The following RNF13 variants were observed in gnomAD, a reference collection of about 807,000 sequenced individuals.
RNF13 encodes the protein ring finger protein 13.
In RNF13, 19 loss-of-function variants were observed where a neutral mutation model predicts 37.7. That is an observed-to-expected ratio of 0.50 (90% CI 0.35 to 0.74). The LOEUF (loss-of-function observed/expected upper bound fraction) is 0.74, where lower values mean the gene tolerates loss of function less well. Ranked by LOEUF, RNF13 falls within the 30% of genes least tolerant of loss-of-function variation. The probability of loss-of-function intolerance (pLI) is 0.01; values close to 1 mark genes in which losing one functional copy is unlikely to be tolerated. For missense variants in RNF13, 375 were observed against 453.0 expected, an observed-to-expected ratio of 0.83 and a Z score of 1.56; for synonymous variants, 144 against 157.8, an observed-to-expected ratio of 0.91 and a Z score of 0.65.
intron 3 of RNF13, among the ~76,000 whole-genome samples, chr3:149,870,435 G>C (rs1009407335): frequency 4.0e-5 from 6 of 151,754 alleles, no homozygotes; most frequent in Admixed American, 6.6e-5. Context: ...TCTCATTGCT[G>C]TACATTTGTT....
intron 1 of RNF13, among the ~76,000 whole-genome samples, chr3:149,840,521 C>T (rs1007097030): frequency 6.6e-6 from 1 of 152,118 alleles, no homozygotes; most frequent in Non-Finnish European, 1.5e-5. Context: ...TTCTCTGTTT[C>T]CCAGAATGGT....
In RNF13 at chr3:149,961,623, T is replaced by C. The variant is rs760769241; in HGVS notation, c.*519T>C. The C allele has an allele frequency of 2.9e-5, 8 of 277,538 alleles. No individual in the cohort carries two copies. Among genetic ancestry groups the C allele is most frequent in the Non-Finnish European group, 5.6e-5 (8 of 141,744 alleles). The allele number at this position is 277,538 out of a possible 1,614,324, so 17.2% of individuals were successfully genotyped here. A position where few individuals can be genotyped will look rare whatever the true frequency, so the allele number is the denominator to read the frequency against. ...AAGAAACTCAAAGCTGTTTTTTCCCTTTCTGTTCCAAAGCAGTCTTATCCT... is the reference window on the plus strand; with the variant it reads ...AAGAAACTCAAAGCTGTTTTTTCCCCTTCTGTTCCAAAGCAGTCTTATCCT... On this transcript the variant is annotated 3_prime_UTR_variant, in exon 10 of 10. Coordinates refer to ENST00000392894, the MANE Select transcript of RNF13 (RefSeq NM_183381.3).
intron 8 of RNF13, among the ~76,000 whole-genome samples, chr3:149,928,607 C>G (rs1265032745): frequency 2.0e-5 from 3 of 152,142 alleles, no homozygotes; most frequent in African/African-American, 7.2e-5. Context: ...AATTGTGAGT[C>G]TTCCACATTT....
At chr3:149,833,307 G>A (rs1436529205) in intron 1 of RNF13, among the ~76,000 whole-genome samples, 1 of 151,772 alleles carries the variant, frequency 6.6e-6, no homozygotes, top group African/African-American at 2.4e-5. Flanking sequence ...TTTAGTAGAG[G>A]CAGGGTTTCA....
At chr3:149,816,064 AT>A (rs36004917) in intron 1 of RNF13, among the ~76,000 whole-genome samples, 246 of 142,210 alleles carry the variant, frequency 1.7e-3, no homozygotes, top group African/African-American at 2.6e-3. Context: ...GGCTAATTAA[AT>A]TTTTTTTTTT....
At chr3:149,820,294 C>T (rs560436085) in intron 1 of RNF13, among the ~76,000 whole-genome samples, 1 of 151,960 alleles carries the variant, frequency 6.6e-6, no homozygotes, top group East Asian at 1.9e-4. Flanking sequence ...CCAAGCAATC[C>T]TCCCTCCTCA....
intron 4 of RNF13, among the ~76,000 whole-genome samples, chr3:149,892,418 T>G (rs1030202768): frequency 2.0e-5 from 3 of 152,178 alleles, no homozygotes; most frequent in African/African-American, 7.2e-5. Context: ...TCTTGAAAGA[T>G]TATTACTTTG....
chr3:149,956,810 T>C (rs892699271), intron 8 of RNF13, among the ~76,000 whole-genome samples: 1 of 152,012 alleles, frequency 6.6e-6, no homozygotes, highest in Non-Finnish European at 1.5e-5. Context: ...TCTATGAGGG[T>C]TTCTCACCCT....
Position 149,818,053 on chromosome 3 carries a change from CA to C in RNF13, c.-17+4702del, listed in dbSNP as rs146320881. Among the ~76,000 whole-genome samples the C allele has an allele frequency of 2.3e-3, 348 of 152,294 alleles. 1 individual carries two copies. The highest frequency in any genetic ancestry group is 7.8e-3 in the African/African-American group (325 of 41,554). On this transcript the variant is annotated intron_variant, in intron 1 of 9. Transcript: ENST00000392894. ...ATCTCAACTATTTTCAGTTTCCTGTCAAGTTCTCAGTAAACCAACAGAAAAA... is the reference window on the plus strand; with the variant it reads ...ATCTCAACTATTTTCAGTTTCCTGTCAGTTCTCAGTAAACCAACAGAAAAA...
chr3:149,900,365 T>C (rs915403890), intron 5 of RNF13, among the ~76,000 whole-genome samples: 2 of 151,394 alleles, frequency 1.3e-5, no homozygotes, highest in African/African-American at 4.8e-5. Flanking sequence ...CTTAGCAAAA[T>C]AGAAAATATC....
chr3:149,862,026 T>C (rs1724309478), intron 3 of RNF13, among the ~76,000 whole-genome samples: 1 of 152,158 alleles, frequency 6.6e-6, no homozygotes, highest in Non-Finnish European at 1.5e-5. Context: ...GTAGACACAT[T>C]CATGCCTTCA....
chr3:149,817,003 A>G (rs1428552368), intron 1 of RNF13, among the ~76,000 whole-genome samples: 3 of 152,242 alleles, frequency 2.0e-5, no homozygotes, highest in African/African-American at 7.2e-5. Flanking sequence ...GGATATTATC[A>G]TGAAGAACAG....
intron 4 of RNF13, among the ~76,000 whole-genome samples, chr3:149,887,604 A>G (rs1280213541): frequency 2.0e-5 from 3 of 152,188 alleles, no homozygotes; most frequent in Admixed American, 2.0e-4. Context: ...CCTGTCTTCT[A>G]GAAGTCTTTT....
intron 8 of RNF13, chr3:149,939,235 G>A (rs568927820): frequency 5.0e-5 from 25 of 499,778 alleles, no homozygotes; most frequent in African/African-American, 1.6e-4. Context: ...GGAGTATCTC[G>A]TATGGATTTC....
intron 4 of RNF13, among the ~76,000 whole-genome samples, chr3:149,880,031 CAATT>C (rs1713201598): frequency 6.6e-6 from 1 of 152,170 alleles, no homozygotes; most frequent in African/African-American, 2.4e-5. Flanking sequence ...ATACCAGAAA[CAATT>C]AACAGGCAGT....
chr3:149,931,949 C>T (rs1719201216), intron 8 of RNF13, among the ~76,000 whole-genome samples: 1 of 152,160 alleles, frequency 6.6e-6, no homozygotes, highest in South Asian at 2.1e-4. Flanking sequence ...ATTTGTCTTT[C>T]TGGGTTTGGC....
chr3:149,905,842 A>G (rs1377669349), intron 6 of RNF13, among the ~76,000 whole-genome samples: 3 of 152,070 alleles, frequency 2.0e-5, no homozygotes, highest in Admixed American at 2.0e-4. Flanking sequence ...TATCTCACAT[A>G]CCATAAGGTT....
At chr3:149,871,923 C>G in intron 3 of RNF13, 106 bp from the exon 4 acceptor site, 1 of 918,986 alleles carries the variant, frequency 1.1e-6, no homozygotes, top group Non-Finnish European at 1.6e-6. Context: ...AATGATACAT[C>G]TAGCATAATG....
In RNF13 at chr3:149,813,817, A is replaced by C. The variant is rs898397444; in HGVS notation, c.-17+464A>C. 2.6e-5 allele frequency: 4 copies of C among 152,522 alleles called. No individual in the cohort carries two copies. In the East Asian group the frequency reaches 7.7e-4, roughly 29 times the overall value. 9.4% of individuals were successfully genotyped at this position (152,522 alleles called of 1,614,324 possible). A position where few individuals can be genotyped will look rare whatever the true frequency, so the allele number is the denominator to read the frequency against. On this transcript the variant is annotated intron_variant, in intron 1 of 9. Coordinates refer to ENST00000392894, the MANE Select transcript of RNF13 (RefSeq NM_183381.3). ...TTCTTTCCCTGGAAGCTCAGATTGC[A>C]GGTTTGGGACTTAACCCCTGCTAGG...
Sources: gnomAD v4.1 joint callset for allele counts (sites outside exome capture counted in the v4.1 genomes callset) on GRCh38, gnomAD v4.1.1 for gene constraint, MANE v1.5 for transcripts, NCBI Gene and HGNC (gene_info 2026-07-23, HGNC 2026-07-21) for gene names.